The following PDE4D variants were observed in gnomAD, a reference collection of about 807,000 sequenced individuals.
PDE4D encodes phosphodiesterase 4D, also known as 3',5'-cyclic-AMP phosphodiesterase 4D.
A neutral mutation model predicts 87.4 loss-of-function variants in PDE4D; 24 were observed. That is an observed-to-expected ratio of 0.27 (90% CI 0.20 to 0.39). The LOEUF (loss-of-function observed/expected upper bound fraction) is 0.39, where lower values mean the gene tolerates loss of function less well. Ranked by LOEUF, PDE4D falls within the 10% of genes least tolerant of loss-of-function variation. The pLI, the probability that PDE4D is intolerant of heterozygous loss-of-function variation, is 1.00. For missense variants in PDE4D, 714 were observed against 1,041.0 expected (o/e 0.69, Z 4.32); for synonymous variants, 384 against 383.2 (o/e 1.00, Z -0.02).
intron 1 of PDE4D, among the ~76,000 whole-genome samples, chr5:60,474,135 TATATATATATATATAACA>T (rs549854999): frequency 0.028 from 2,814 of 101,136 alleles, 129 homozygotes; most frequent in African/African-American, 0.11. Flanking sequence ...TATATATATA[TATATATATATATATAACA>T]AAAACCTTAG....
intron 5 of PDE4D, among the ~76,000 whole-genome samples, chr5:59,168,551 G>A (rs1782252107): frequency 1.3e-5 from 2 of 152,092 alleles, no homozygotes; most frequent in African/African-American, 2.4e-5. Flanking sequence ...GAGTTTTTAG[G>A]GTTTCCCAAA....
intron 1 of PDE4D, chr5:60,431,160 C>T (rs1309245882): frequency 7.5e-5 from 15 of 200,152 alleles, no homozygotes; most frequent in Admixed American, 1.8e-4. Context: ...GGTGGCTGGC[C>T]GGGCGGGGGG....
intron 1 of PDE4D, among the ~76,000 whole-genome samples, chr5:60,322,007 A>G (rs1756322919): frequency 6.6e-6 from 1 of 152,172 alleles, no homozygotes; most frequent in Non-Finnish European, 1.5e-5. Context: ...AATTTCTCCG[A>G]GAAATTAAGT....
At chr5:59,574,003 A>AT (rs1199428733) in intron 1 of PDE4D, among the ~76,000 whole-genome samples, 1 of 125,920 alleles carries the variant, frequency 7.9e-6, no homozygotes, top group African/African-American at 3.3e-5. Flanking sequence ...GTCTCAAAAA[A>AT]AAATATATAT....
Position 60,223,926 on chromosome 5 carries a change from G to A in PDE4D, c.-89-38239C>T, listed in dbSNP as rs541410037. On this transcript the variant is annotated intron_variant, in intron 1 of 16. Coordinates refer to the PDE4D transcript ENST00000502484. ...CTTCTGCCATATGAGGATATTCCCA[G>A]TGAAATGAAGGTTCCTCACCATCCC... 3.9e-5 allele frequency among the ~76,000 whole-genome samples: 6 copies of A among 152,202 alleles called. No homozygotes were observed. The South Asian group carries it at 1.2e-3, about 32-fold the overall frequency.
intron 1 of PDE4D, among the ~76,000 whole-genome samples, chr5:59,469,799 C>T (rs1802167130): frequency 1.3e-5 from 2 of 152,112 alleles, no homozygotes; most frequent in Admixed American, 1.3e-4. Flanking sequence ...CATCCACGTG[C>T]TGATAGCAGC....
At chr5:60,172,263 A>G (rs1029191809) in intron 2 of PDE4D, among the ~76,000 whole-genome samples, 1 of 89,192 alleles carries the variant, frequency 1.1e-5, no homozygotes, top group Non-Finnish European at 2.4e-5. Context: ...CAAGTACTTC[A>G]ATACACACAC....
At chr5:59,075,810 C>T (rs1303499819) in intron 5 of PDE4D, among the ~76,000 whole-genome samples, 1 of 152,024 alleles carries the variant, frequency 6.6e-6, no homozygotes, top group Non-Finnish European at 1.5e-5. Flanking sequence ...TTATAACTTA[C>T]TTATTAATTT....
At position 59,277,379 on chromosome 5, in the gene PDE4D, A is replaced by G. The variant is rs544245741; in HGVS notation, c.456-61411T>C. ...CAGGGGACATTCACACTTTCTTAGC[A>G]CTGTCCCATGTCTAGTATATTGCTG... On this transcript the variant is annotated intron_variant, in intron 1 of 14. Coordinates refer to ENST00000340635, the MANE Select transcript of PDE4D (RefSeq NM_001104631.2). Among the ~76,000 whole-genome samples, 5 of 152,218 alleles carry G rather than the reference A, an allele frequency of 3.3e-5. No homozygotes were observed. The South Asian group carries it at 1.0e-3, about 32-fold the overall frequency.
chr5:59,140,109 T>C (rs961035505), intron 5 of PDE4D, among the ~76,000 whole-genome samples: 40 of 152,340 alleles, frequency 2.6e-4, no homozygotes, highest in African/African-American at 8.9e-4. Context: ...ATTTCTAAAC[T>C]TGAAAAACTC....
chr5:60,275,905 GT>G (rs1751315916), intron 1 of PDE4D, among the ~76,000 whole-genome samples: 2 of 151,862 alleles, frequency 1.3e-5, no homozygotes, highest in African/African-American at 4.8e-5. Context: ...TTAGAAGTCT[GT>G]TGTTGTTTAG....
intron 2 of PDE4D, among the ~76,000 whole-genome samples, chr5:60,047,174 T>A (rs1337592155): frequency 6.6e-6 from 1 of 152,252 alleles, no homozygotes; most frequent in African/African-American, 2.4e-5. Flanking sequence ...TGTAGTATTC[T>A]CTGATGGTAG....
At chr5:60,115,480 C>A (rs549474176) in intron 2 of PDE4D, among the ~76,000 whole-genome samples, 6 of 152,212 alleles carry the variant, frequency 3.9e-5, no homozygotes, top group Non-Finnish European at 8.8e-5. Flanking sequence ...TTTTAAAAAA[C>A]TAGTAATTTT....
intron 1 of PDE4D, among the ~76,000 whole-genome samples, chr5:60,303,551 C>T (rs1179015145): frequency 6.6e-6 from 1 of 152,080 alleles, no homozygotes; most frequent in African/African-American, 2.4e-5. Context: ...TCGTGATCCG[C>T]CCGTCTCGGC....
intron 3 of PDE4D, among the ~76,000 whole-genome samples, chr5:59,916,028 A>C (rs1041767194): frequency 2.0e-5 from 3 of 152,214 alleles, no homozygotes; most frequent in Non-Finnish European, 4.4e-5. Flanking sequence ...ATCTATAACC[A>C]AGTTAGTTCC....
At chr5:60,092,063 A>AG (rs1313158119) in intron 2 of PDE4D, among the ~76,000 whole-genome samples, 2 of 109,666 alleles carry the variant, frequency 1.8e-5, no homozygotes, top group African/African-American at 6.4e-5. Flanking sequence ...AAAAAAAAAA[A>AG]AAAAAAAAAA....
intron 3 of PDE4D, among the ~76,000 whole-genome samples, chr5:59,191,867 G>A (rs749922791): frequency 4.6e-5 from 7 of 151,922 alleles, no homozygotes; most frequent in African/African-American, 7.3e-5. Context: ...CACCGCACCC[G>A]GCCATAAGTT....
rs1343168733 is a variant in PDE4D at position 58,974,248 on chromosome 5, A to ATATT, written c.*412_*415dup. 6.4e-6 allele frequency: 1 copy of ATATT among 155,298 alleles called. No homozygotes were observed. Among genetic ancestry groups the ATATT allele is most frequent in the Non-Finnish European group, 1.4e-5 (1 of 70,050 alleles). 9.6% of individuals were successfully genotyped at this position (155,298 alleles called of 1,614,324 possible). A position where few individuals can be genotyped will look rare whatever the true frequency, so the allele number is the denominator to read the frequency against. ...ATTCGTGCTATGTCCTGTTCTTGAC[A>ATATT]TATTTGTTGCTTCGTCCATTAAGTT... On this transcript the variant is annotated 3_prime_UTR_variant, in exon 15 of 15. Coordinates refer to ENST00000340635, the MANE Select transcript of PDE4D (RefSeq NM_001104631.2).
At chr5:60,294,322 T>C (rs572151785) in intron 1 of PDE4D, among the ~76,000 whole-genome samples, 1 of 152,350 alleles carries the variant, frequency 6.6e-6, no homozygotes, top group South Asian at 2.1e-4. Flanking sequence ...CTTTATGTGA[T>C]ATTGATTAAA....
Sources: allele counts gnomAD v4.1 joint callset (sites outside exome capture counted in the v4.1 genomes callset), GRCh38; gene constraint gnomAD v4.1.1; transcripts MANE v1.5; gene names NCBI Gene and HGNC (gene_info 2026-07-23, HGNC 2026-07-21).